The following TRIM59 variants were observed in gnomAD, a reference collection of about 807,000 sequenced individuals.
TRIM59 encodes tripartite motif containing 59.
TRIM59 carries 14 observed loss-of-function variants against 32.2 expected under a neutral mutation model. The ratio of observed to expected loss-of-function variants is 0.43; its 90% confidence interval spans 0.29 to 0.68. The LOEUF (loss-of-function observed/expected upper bound fraction) is 0.68, where lower values mean the gene tolerates loss of function less well. Among genes scored for constraint, TRIM59 ranks in the 30% least tolerant of loss-of-function variants. The pLI is 0.15. For synonymous variants in TRIM59, 163 were observed against 155.1 expected (o/e 1.05, Z -0.38); for missense variants, 471 against 463.3 (o/e 1.02, Z -0.15).
At chr3:160,449,417 C>A in intron 1 of TRIM59, 1 of 1,083,586 alleles carries the variant, frequency 9.2e-7, no homozygotes, top group Non-Finnish European at 1.2e-6. Context: ...CCTCGGCACC[C>A]GCCCGTCCCC....
At chr3:160,442,249 G>A (rs1466684535) in intron 2 of TRIM59, among the ~76,000 whole-genome samples, 1 of 152,134 alleles carries the variant, frequency 6.6e-6, no homozygotes, top group African/African-American at 2.4e-5. Flanking sequence ...ACAACTCTGA[G>A]AATGCACTTA....
chr3:160,443,396 G>A (rs752814007), intron 2 of TRIM59, among the ~76,000 whole-genome samples: 3 of 151,886 alleles, frequency 2.0e-5, no homozygotes, highest in Non-Finnish European at 4.4e-5. Flanking sequence ...GAAAAAAAAT[G>A]GCTTCTGAAA....
In TRIM59 at chr3:160,439,158, G is replaced by T; in HGVS notation, c.26C>A (p.Thr9Asn). 6.7e-7 allele frequency: 1 copy of T among 1,499,516 alleles called. No homozygotes were observed. Among genetic ancestry groups the T allele is most frequent in the Non-Finnish European group, 8.9e-7 (1 of 1,125,852 alleles). 92.9% of individuals were successfully genotyped at this position (1,499,516 alleles called of 1,614,324 possible). A position where few individuals can be genotyped will look rare whatever the true frequency, so the allele number is the denominator to read the frequency against. The change falls in exon 3 of 3, where the codon ACT becomes AAT. Residue 9 changes from threonine (T) to asparagine (N), a missense_variant. Coordinates refer to ENST00000309784, the MANE Select transcript of TRIM59 (RefSeq NM_173084.3). Reference protein sequence around the residue: MHNFEEELTCPICYSIFED... With the variant: MHNFEEELNCPICYSIFED... ...AAAAATACTATAACATATGGGACAA[G>T]TTAACTCTTCCTCAAAATTGTGCAT... is the stretch of plus-strand genomic sequence containing the variant.
intron 2 of TRIM59, among the ~76,000 whole-genome samples, chr3:160,441,156 A>G (rs1719217932): frequency 1.3e-5 from 2 of 152,180 alleles, no homozygotes; most frequent in Admixed American, 6.5e-5. Context: ...CTCATTAAAC[A>G]CTGCATTTTT....
chr3:160,444,878 A>C (rs906844487), intron 2 of TRIM59, among the ~76,000 whole-genome samples: 2 of 152,250 alleles, frequency 1.3e-5, no homozygotes, highest in Non-Finnish European at 2.9e-5. Context: ...GCAACAAGGA[A>C]TGCTAGAACA....
In TRIM59 at chr3:160,444,177, T is replaced by C. The variant is rs529198808; in HGVS notation, c.-4+4549A>G. Among the ~76,000 whole-genome samples the C allele has an allele frequency of 5.9e-5, 9 of 152,222 alleles. No homozygotes were observed. The South Asian group carries it at 1.7e-3, about 28-fold the overall frequency. On this transcript the variant is annotated intron_variant, in intron 2 of 2. Coordinates refer to ENST00000309784, the MANE Select transcript of TRIM59 (RefSeq NM_173084.3). ...TAAGGGAAGGAAACAGTTTAAGAAC[T>C]AAATCTTAATTTTTCCTTATAAGAA...
intron 2 of TRIM59, among the ~76,000 whole-genome samples, chr3:160,442,507 G>A (rs926154509): frequency 1.4e-4 from 21 of 150,958 alleles, no homozygotes; most frequent in Admixed American, 4.0e-4. Flanking sequence ...ATGAAATGGC[G>A]CAACTGCACT....
intron 2 of TRIM59, among the ~76,000 whole-genome samples, chr3:160,440,577 G>A (rs1057406526): frequency 2.0e-5 from 3 of 152,160 alleles, no homozygotes; most frequent in Non-Finnish European, 4.4e-5. Context: ...GAAAAATCAA[G>A]TTATACCACT....
At position 160,436,520 on chromosome 3, in the gene TRIM59, C is replaced by T. The variant is rs1367746502; in HGVS notation, c.*1452G>A. The stretch of plus-strand genomic sequence containing the variant: ...CTAATAAAAGATTAAGTTGTTGGGC[C>T]GGGCGTGGCGGCTCACGCCTATAAT... On this transcript the variant is annotated 3_prime_UTR_variant, in exon 3 of 3. Transcript: ENST00000309784. The T allele has an allele frequency of 1.8e-5, 18 of 985,520 alleles. No individual in the cohort carries two copies. Among genetic ancestry groups the T allele is most frequent in the Admixed American group, 6.1e-5 (1 of 16,268 alleles). The allele number at this position is 985,520 out of a possible 1,614,324, so 61.0% of individuals were successfully genotyped here.
rs1057196927 is a variant in TRIM59, at chr3:160,435,742, C to T, written c.*2230G>A. On this transcript the variant is annotated 3_prime_UTR_variant, in exon 3 of 3. Coordinates refer to ENST00000309784, the MANE Select transcript of TRIM59 (RefSeq NM_173084.3). ...AAATCTAAAATGATATATATACTTA[C>T]GTTTTTAGCATTCTTACAGATTACA... 55 of 336,272 alleles carry T rather than the reference C, an allele frequency of 1.6e-4. No individual in the cohort carries two copies. The East Asian group carries it at 4.1e-3, about 25-fold the overall frequency. The allele number at this position is 336,272 out of a possible 1,614,324, so 20.8% of individuals were successfully genotyped here. A position where few individuals can be genotyped will look rare whatever the true frequency, so the allele number is the denominator to read the frequency against.
At chr3:160,446,992 T>C (rs1719570467) in intron 2 of TRIM59, among the ~76,000 whole-genome samples, 2 of 151,176 alleles carry the variant, frequency 1.3e-5, no homozygotes, top group Non-Finnish European at 2.9e-5. Context: ...GCTGGTTTAA[T>C]GGGTACACAG....
rs755776324 is a variant in TRIM59, at chr3:160,438,144, AAG to A, written c.1038_1039del (p.Phe348GlnfsTer10). The A allele has an allele frequency of 5.8e-5, 94 of 1,611,660 alleles. 1 individual carries two copies. In the East Asian group the frequency reaches 1.7e-3, roughly 28 times the overall value. ...AAAGGTTATGATGTGTTGGTTGAAA[AAG>A]AGTATCGACATCAGTATTACTGAAA... On this transcript the variant is annotated frameshift_variant, in exon 3 of 3. Transcript: ENST00000309784. LOFTEE classifies it high-confidence loss of function.
At position 160,437,707 on chromosome 3, in the gene TRIM59, CATT is replaced by C. The variant is rs1237789338; in HGVS notation, c.*262_*264del. The C allele has an allele frequency of 1.7e-5, 19 of 1,101,574 alleles. 1 individual carries two copies. The highest frequency in any genetic ancestry group is 4.8e-5 in the Admixed American group (1 of 20,684). The allele number at this position is 1,101,574 out of a possible 1,614,324, so 68.2% of individuals were successfully genotyped here. On this transcript the variant is annotated 3_prime_UTR_variant, in exon 3 of 3. Coordinates refer to ENST00000309784, the MANE Select transcript of TRIM59 (RefSeq NM_173084.3). The stretch of plus-strand genomic sequence containing the variant: ...CAAGAATGTTTAAATGTCACAGCAA[CATT>C]ATGTCAACCATCATAAAGCCAATAA...
In TRIM59 at chr3:160,437,047, C is replaced by G; in HGVS notation, c.*925G>C. 11 of 985,124 alleles carry G rather than the reference C, an allele frequency of 1.1e-5. No individual in the cohort carries two copies. Among genetic ancestry groups the G allele is most frequent in the Non-Finnish European group, 1.3e-5 (11 of 829,892 alleles). The allele number at this position is 985,124 out of a possible 1,614,324, so 61.0% of individuals were successfully genotyped here. On this transcript the variant is annotated 3_prime_UTR_variant, in exon 3 of 3. Transcript: ENST00000309784. ...AATTTGCACAAACTATAGAATATGA[C>G]AAGTATTAGAAAATGCTGGCCCCCA...
Position 160,437,322 on chromosome 3 carries a change from C to T in TRIM59, c.*650G>A. ...TGAGTCATGACCAGACAACTACACT[C>T]CAGCCTGGGCAACAAGGTGAGACCC... On this transcript the variant is annotated 3_prime_UTR_variant, in exon 3 of 3. Coordinates refer to ENST00000309784, the MANE Select transcript of TRIM59 (RefSeq NM_173084.3). 1.0e-6 allele frequency: 1 copy of T among 959,098 alleles called. No individual in the cohort carries two copies. Among genetic ancestry groups the T allele is most frequent in the Non-Finnish European group, 1.2e-6 (1 of 806,118 alleles). The allele number at this position is 959,098 out of a possible 1,614,324, so 59.4% of individuals were successfully genotyped here.
At position 160,435,977 on chromosome 3, in the gene TRIM59, C is replaced by G. The variant is rs1196869897; in HGVS notation, c.*1995G>C. 1 of 1,270,114 alleles carries G rather than the reference C, an allele frequency of 7.9e-7. No individual in the cohort carries two copies. Among genetic ancestry groups the G allele is most frequent in the African/African-American group, 1.5e-5 (1 of 65,140 alleles). The allele number at this position is 1,270,114 out of a possible 1,614,324, so 78.7% of individuals were successfully genotyped here. On this transcript the variant is annotated 3_prime_UTR_variant, in exon 3 of 3. Transcript: ENST00000309784. ...ATAATGGCTAACATTTCATTGCTTA[C>G]GTGTTTTTGAAACTACAGGGCACTT...
chr3:160,446,881 G>A (rs1056314112), intron 2 of TRIM59, among the ~76,000 whole-genome samples: 1 of 152,164 alleles, frequency 6.6e-6, no homozygotes, highest in Non-Finnish European at 1.5e-5. Context: ...ATGTGCGGTA[G>A]AACAGTTTTA....
In TRIM59 at chr3:160,438,370, C is replaced by T; in HGVS notation, c.814G>A (p.Val272Ile). ...QILKQRPLPE[V>I]QPVEIYPRVS... is the part of the protein sequence containing the mutation. Reference sequence around the variant, plus strand: ...CGAGGATAAATTTCAACGGGTTGAACCTCAGGAAGTGGTCTTTGTTTCAAG... The same window carrying T: ...CGAGGATAAATTTCAACGGGTTGAATCTCAGGAAGTGGTCTTTGTTTCAAG... The change falls in exon 3 of 3, where the codon GTT becomes ATT. Residue 272 changes from valine to isoleucine, a missense_variant. Val to Ile is a conservative substitution (Grantham distance 29). Transcript: ENST00000309784. 1.9e-6 allele frequency: 3 copies of T among 1,613,684 alleles called. No homozygotes were observed. The highest frequency in any genetic ancestry group is 2.5e-6 in the Non-Finnish European group (3 of 1,179,954).
At chr3:160,441,247 G>A (rs1408117569) in intron 2 of TRIM59, among the ~76,000 whole-genome samples, 1 of 151,998 alleles carries the variant, frequency 6.6e-6, no homozygotes, top group African/African-American at 2.4e-5. Flanking sequence ...CTCCTATAAG[G>A]GCAGGAATTG....
Sources: allele counts gnomAD v4.1 joint callset (sites outside exome capture counted in the v4.1 genomes callset), GRCh38; gene constraint gnomAD v4.1.1; transcripts MANE v1.5; gene names NCBI Gene and HGNC (gene_info 2026-07-23, HGNC 2026-07-21).